CARS2: variants seen among roughly 807,000 people sequenced by gnomAD.
The protein encoded by CARS2 is probable cysteine--tRNA ligase, mitochondrial.
In CARS2, 52 loss-of-function variants were observed where a neutral mutation model predicts 68.8. The ratio of observed to expected loss-of-function variants is 0.76; its 90% CI spans 0.61 to 0.95. CARS2 has a LOEUF of 0.95. Among genes scored for constraint, CARS2 ranks in the 40% least tolerant of loss-of-function variants. The pLI is 0.00. For synonymous variants in CARS2, 314 were observed against 303.6 expected, an observed-to-expected ratio of 1.03 and a Z score of -0.36; for missense variants, 780 against 754.2, an observed-to-expected ratio of 1.03 and a Z score of -0.40.
chr13:110,702,166 G>A (rs1433261827), intron 2 of CARS2, among the ~76,000 whole-genome samples: 1 of 152,166 alleles, frequency 6.6e-6, no homozygotes, highest in Non-Finnish European at 1.5e-5. Context: ...GTTATCTAAT[G>A]TCACACTCAC....
In CARS2 at chr13:110,676,894, C is replaced by T; in HGVS notation, c.785+80G>A. 6.9e-7 allele frequency: 1 copy of T among 1,440,426 alleles called. No individual in the cohort carries two copies. Among genetic ancestry groups the T allele is most frequent in the Non-Finnish European group, 9.2e-7 (1 of 1,092,304 alleles). The allele number at this position is 1,440,426 out of a possible 1,614,324, so 89.2% of individuals were successfully genotyped here. ...GCACACGTGCCAGGCTGCACCTGCT[C>T]CCATGCACATCCTCTGCTGCCCTGA... On this transcript the variant is annotated intron_variant, in intron 7 of 14. Coordinates refer to ENST00000257347, the MANE Select transcript of CARS2 (RefSeq NM_024537.4). The surrounding 1 kb of genome is among the most constrained non-coding windows in gnomAD (Gnocchi z 4.0).
chr13:110,698,129 G>C (rs768142099), intron 3 of CARS2, among the ~76,000 whole-genome samples: 3 of 152,180 alleles, frequency 2.0e-5, no homozygotes, highest in Non-Finnish European at 2.9e-5. Flanking sequence ...GGTGTGACGG[G>C]AGGTTAAAGA....
chr13:110,713,016 A>C lies in CARS2; in HGVS notation n.399+121T>G. ...GCACTCTGCGGCCGCAGCTCAAAGG[A>C]CACCGAGAGGGTGCCAGTGCGCATG... On this transcript the variant is annotated intron_variant and non_coding_transcript_variant, in intron 1 of 2. Transcript: ENST00000485188. 3.3e-6 allele frequency: 5 copies of C among 1,514,912 alleles called. No individual in the cohort carries two copies. In the Admixed American group the frequency reaches 6.3e-5, roughly 19 times the overall value. The allele number at this position is 1,514,912 out of a possible 1,614,324, so 93.8% of individuals were successfully genotyped here. A position where few individuals can be genotyped will look rare whatever the true frequency, so the allele number is the denominator to read the frequency against.
In CARS2 at chr13:110,651,042, T is replaced by C. The variant is rs1326665781; in HGVS notation, c.1046A>G (p.Tyr349Cys). 2.5e-6 allele frequency: 4 copies of C among 1,612,794 alleles called. No homozygotes were observed. The highest frequency in any genetic ancestry group is 3.4e-6 in the Non-Finnish European group (4 of 1,179,616). Residue 349 changes from tyrosine to cysteine, a missense_variant, in exon 10 of 15, where the codon TAC becomes TGC. By Grantham distance (194) the Tyr-to-Cys change is radical. Coordinates refer to ENST00000257347, the MANE Select transcript of CARS2 (RefSeq NM_024537.4). ...VFRFFCLRSS[Y>C]RSAIDYSDSA... ...ACGTGTGCTCGGCTCACCTGAGCGG[T>C]AGCTGCTCCGCAGGCAGAAGAACCG...
At position 110,679,295 on chromosome 13, in the gene CARS2, C is replaced by T. The variant is rs565207660; in HGVS notation, c.656-2192G>A. Among the ~76,000 whole-genome samples the T allele has an allele frequency of 6.7e-4, 102 of 151,872 alleles. 1 individual carries two copies. Among genetic ancestry groups the T allele is most frequent in the South Asian group, 8.3e-4 (4 of 4,794 alleles). ...CTAGAATCCCAGCACTTTGGGAGGC[C>T]GAGGCGGGCGGATCACCTGAGGTCA... On this transcript the variant is annotated intron_variant, in intron 6 of 14. Transcript: ENST00000257347.
intron 11 of CARS2, chr13:110,646,391 C>A: frequency 4.4e-6 from 1 of 225,434 alleles, no homozygotes. Context: ...AGGGGAGTGG[C>A]AAGGAAGACT....
chr13:110,697,147 C>A (rs1409009305), intron 3 of CARS2, among the ~76,000 whole-genome samples: 1 of 152,242 alleles, frequency 6.6e-6, no homozygotes, highest in Admixed American at 6.5e-5. Flanking sequence ...CTCTGGCTGC[C>A]CCGACGGCAG....
At chr13:110,701,906 T>A (rs2063797632) in intron 2 of CARS2, among the ~76,000 whole-genome samples, 1 of 152,262 alleles carries the variant, frequency 6.6e-6, no homozygotes, top group Non-Finnish European at 1.5e-5. Flanking sequence ...TTCTTGTTCA[T>A]GTTCTAGAGT....
rs1449938840 is a variant in CARS2, at chr13:110,641,595, G to C, written c.1637C>G (p.Thr546Arg). The C allele has an allele frequency of 1.9e-6, 3 of 1,613,668 alleles. No individual in the cohort carries two copies. Among genetic ancestry groups the C allele is most frequent in the Non-Finnish European group, 2.5e-6 (3 of 1,179,722 alleles). ...ATCCAGCAGTTCCCACGTGGATGTT[G>C]TACTGCTTCTGTCCTGGAGAAGAAG... is the stretch of plus-strand genomic sequence containing the variant. ...HGINIKDRSS[T>R]TSTWELLDQR... is the part of the protein sequence containing the mutation. The change falls in exon 15 of 15, where the codon ACA (threonine) becomes AGA (arginine). Residue 546 changes from threonine to arginine, a missense_variant. By Grantham distance (71) the Thr-to-Arg change is moderately conservative (BLOSUM62 -1). Transcript: ENST00000257347.
At chr13:110,678,968 G>A (rs1202553232) in intron 6 of CARS2, among the ~76,000 whole-genome samples, 1 of 131,774 alleles carries the variant, frequency 7.6e-6, no homozygotes, top group East Asian at 2.3e-4. Context: ...GCCTCGGGCA[G>A]GGCTGGTCCG....
chr13:110,645,843 C>T (rs542322401), intron 12 of CARS2, 124 bp downstream of exon 12: 52 of 1,276,774 alleles, frequency 4.1e-5, no homozygotes, highest in Admixed American at 9.1e-5. Flanking sequence ...TGAGTTCCTC[C>T]ACAGAAGCTG....
In CARS2 at chr13:110,668,898, T is replaced by C. The variant is rs2062725629; in HGVS notation, c.786-1425A>G. Among the ~76,000 whole-genome samples the C allele has an allele frequency of 1.3e-5, 2 of 152,368 alleles. No homozygotes were observed. Among genetic ancestry groups the C allele is most frequent in the East Asian group, 1.9e-4 (1 of 5,190 alleles). On this transcript the variant is annotated intron_variant, in intron 7 of 14. Coordinates refer to ENST00000257347, the MANE Select transcript of CARS2 (RefSeq NM_024537.4). The surrounding 1 kb of genome is among the most constrained non-coding windows in gnomAD (Gnocchi z 4.1). ...AATAAGAATTTCACATAACATTACATTTGAAACTCACTAAATGTTTTCTAC... is the reference window on the plus strand; with the variant it reads ...AATAAGAATTTCACATAACATTACACTTGAAACTCACTAAATGTTTTCTAC...
Position 110,641,458 on chromosome 13 carries a change from G to A in CARS2, c.*79C>T. Reference sequence around the variant, plus strand: ...AATGCTGACCTAGCAGCCCCGACAGGAAGCTTTAACATAAAGCCTTGACCC... The same window carrying A: ...AATGCTGACCTAGCAGCCCCGACAGAAAGCTTTAACATAAAGCCTTGACCC... On this transcript the variant is annotated 3_prime_UTR_variant, in exon 15 of 15. Transcript: ENST00000257347. 1 of 1,176,966 alleles carries A rather than the reference G, an allele frequency of 8.5e-7. No individual in the cohort carries two copies. The highest frequency in any genetic ancestry group is 2.3e-5 in the East Asian group (1 of 42,904). The allele number at this position is 1,176,966 out of a possible 1,614,324, so 72.9% of individuals were successfully genotyped here.
intron 3 of CARS2, among the ~76,000 whole-genome samples, chr13:110,691,207 G>A (rs1006284435): frequency 2.6e-5 from 4 of 152,114 alleles, no homozygotes; most frequent in Admixed American, 2.6e-4. Context: ...GTAAAGATGG[G>A]GTTTTTCCTT....
At chr13:110,682,579 GCTTA>G (rs2063187547) in intron 6 of CARS2, among the ~76,000 whole-genome samples, 1 of 152,252 alleles carries the variant, frequency 6.6e-6, no homozygotes, top group African/African-American at 2.4e-5. Context: ...CATATACTGC[GCTTA>G]CTATTTCTTC....
At chr13:110,700,507 C>T (rs2063753426) in intron 3 of CARS2, among the ~76,000 whole-genome samples, 1 of 152,222 alleles carries the variant, frequency 6.6e-6, no homozygotes, top group Non-Finnish European at 1.5e-5. Context: ...TGGCCCAACG[C>T]AGCCAACAAT....
At chr13:110,659,506 T>G (rs1487971180) in intron 9 of CARS2, among the ~76,000 whole-genome samples, 1 of 152,146 alleles carries the variant, frequency 6.6e-6, no homozygotes, top group African/African-American at 2.4e-5. Flanking sequence ...CCTTTTTTTT[T>G]TTTGTTTGGC....
At chr13:110,647,046 GCAC>G in intron 11 of CARS2, 52 bp downstream of exon 11, 1 of 1,499,810 alleles carries the variant, frequency 6.7e-7, no homozygotes, top group Non-Finnish European at 8.9e-7. Context: ...CCCACCAGCA[GCAC>G]CCAGCAGGCC....
At chr13:110,650,936 C>A in intron 10 of CARS2, 98 bp downstream of exon 10, 7 of 849,352 alleles carry the variant, frequency 8.2e-6, no homozygotes, top group Non-Finnish European at 1.3e-5. Flanking sequence ...CAACAAGGTT[C>A]TGCTTATTCT....
Sources: allele counts gnomAD v4.1 joint callset (sites outside exome capture counted in the v4.1 genomes callset), GRCh38; gene constraint gnomAD v4.1.1; non-coding constraint Gnocchi (gnomAD v3.1); transcripts MANE v1.5; gene names NCBI Gene and HGNC (gene_info 2026-07-23, HGNC 2026-07-21).